The following PPP1R13B variants were observed in gnomAD, a reference collection of about 807,000 sequenced individuals.
The protein encoded by PPP1R13B is apoptosis-stimulating of p53 protein 1.
Under a neutral mutation model 119.8 loss-of-function variants are expected in PPP1R13B, and 44 were observed. The observed-to-expected ratio is 0.37, with a 90% CI of 0.29 to 0.47. PPP1R13B has a LOEUF of 0.47. PPP1R13B is among the 20% of genes least tolerant of loss of function. The pLI, the probability that PPP1R13B is intolerant of heterozygous loss-of-function variation, is 0.99. For missense variants in PPP1R13B, 1,227 were observed against 1,413.5 expected (o/e 0.87, Z 2.12); for synonymous variants, 542 against 561.5 (o/e 0.97, Z 0.49).
intron 1 of PPP1R13B, among the ~76,000 whole-genome samples, chr14:103,800,579 C>CG (rs955869467): frequency 2.7e-4 from 41 of 151,102 alleles, no homozygotes; most frequent in African/African-American, 7.5e-4. Flanking sequence ...ACTTGAACCC[C>CG]GGGGGGCAGA....
intron 1 of PPP1R13B, among the ~76,000 whole-genome samples, chr14:103,829,105 CAGAG>C (rs1222015947): frequency 3.3e-5 from 5 of 152,134 alleles, no homozygotes; most frequent in African/African-American, 1.2e-4. Flanking sequence ...TAAAGTGTTT[CAGAG>C]AGAAAGAGTG....
chr14:103,790,032 G>T (rs1008734286), intron 2 of PPP1R13B, among the ~76,000 whole-genome samples: 2 of 151,906 alleles, frequency 1.3e-5, no homozygotes, highest in Admixed American at 1.3e-4. Context: ...TATCACTTGA[G>T]GTCAAGAGTT....
At chr14:103,750,214 G>A (rs1424568671) in intron 7 of PPP1R13B, among the ~76,000 whole-genome samples, 2 of 152,124 alleles carry the variant, frequency 1.3e-5, no homozygotes, top group Non-Finnish European at 2.9e-5. Context: ...CGGTGTTTGG[G>A]ACTCTCAGAA....
chr14:103,765,754 C>A (rs1954573372), intron 4 of PPP1R13B, among the ~76,000 whole-genome samples: 1 of 152,138 alleles, frequency 6.6e-6, no homozygotes, highest in Non-Finnish European at 1.5e-5. Flanking sequence ...TCCTGAAGTT[C>A]TTCCTGATTC....
intron 1 of PPP1R13B, among the ~76,000 whole-genome samples, chr14:103,820,327 G>C (rs892963164): frequency 7.2e-5 from 11 of 152,138 alleles, no homozygotes; most frequent in African/African-American, 2.7e-4. Flanking sequence ...CAAATTCGCA[G>C]ATCACCTTTC....
intron 2 of PPP1R13B, among the ~76,000 whole-genome samples, chr14:103,785,160 G>C (rs1271877106): frequency 6.6e-6 from 1 of 152,138 alleles, no homozygotes. Context: ...CATTAAATAG[G>C]GAACACTGAA....
Position 103,742,287 on chromosome 14 carries a change from A to G in PPP1R13B, c.1325T>C (p.Ile442Thr). 6.4e-7 allele frequency: 1 copy of G among 1,554,780 alleles called. No homozygotes were observed. The highest frequency in any genetic ancestry group is 1.4e-5 in the African/African-American group (1 of 73,622). The change falls in exon 11 of 17, where the codon ATC becomes ACC. Residue 442 changes from isoleucine (I) to threonine (T), a missense_variant. Physicochemically the swap from Ile to Thr is moderately conservative, Grantham distance 89. Coordinates refer to ENST00000202556, the MANE Select transcript of PPP1R13B (RefSeq NM_015316.3). The surrounding 1 kb of genome is among the most constrained non-coding windows in gnomAD (Gnocchi z 4.9). ...GGGAGGTGGCACTTTACCAATCTCG[A>G]TGCCCTAAGTTTAGGTGTTAAGAAG... ...SALGPTEKPG[I>T]EIGKVPPPIP...
chr14:103,831,100 C>T (rs371943892), intron 1 of PPP1R13B, among the ~76,000 whole-genome samples: 6 of 151,830 alleles, frequency 4.0e-5, no homozygotes, highest in South Asian at 4.2e-4. Flanking sequence ...TGTGCCACCA[C>T]GCCCAGCTGA....
intron 2 of PPP1R13B, among the ~76,000 whole-genome samples, chr14:103,787,499 C>G (rs1019566844): frequency 5.3e-5 from 8 of 149,918 alleles, no homozygotes; most frequent in Non-Finnish European, 8.9e-5. Context: ...TATCAAGAAG[C>G]ACTGAAAAGC....
intron 1 of PPP1R13B, among the ~76,000 whole-genome samples, chr14:103,833,369 C>T (rs1040983472): frequency 2.6e-5 from 4 of 152,084 alleles, no homozygotes; most frequent in Non-Finnish European, 5.9e-5. Context: ...CCTGGCCAGG[C>T]GTGGTGGCTC....
At chr14:103,831,725 C>G (rs2152077497) in intron 1 of PPP1R13B, among the ~76,000 whole-genome samples, 1 of 151,954 alleles carries the variant, frequency 6.6e-6, no homozygotes, top group East Asian at 2.0e-4. Context: ...CACTTGAGGA[C>G]AGGAGTTCAA....
chr14:103,836,451 A>C (rs968943119), intron 1 of PPP1R13B, among the ~76,000 whole-genome samples: 5 of 152,142 alleles, frequency 3.3e-5, no homozygotes, highest in African/African-American at 1.2e-4. Flanking sequence ...CAAATAGGAA[A>C]ATAAGGCACA....
intron 1 of PPP1R13B, among the ~76,000 whole-genome samples, chr14:103,843,840 C>T (rs975864693): frequency 5.3e-5 from 8 of 151,808 alleles, no homozygotes; most frequent in Non-Finnish European, 1.2e-4. Flanking sequence ...GTAGTCTGAG[C>T]TACTTGGTAG....
chr14:103,783,100 C>T (rs1311341070), intron 3 of PPP1R13B, among the ~76,000 whole-genome samples: 2 of 152,008 alleles, frequency 1.3e-5, no homozygotes, highest in Non-Finnish European at 2.9e-5. Flanking sequence ...ACCAGCACGC[C>T]TAGCCAAGTT....
intron 1 of PPP1R13B, among the ~76,000 whole-genome samples, chr14:103,825,025 C>CGTGA (rs1306449884): frequency 6.6e-6 from 1 of 152,204 alleles, no homozygotes; most frequent in African/African-American, 2.4e-5. Context: ...ACAGCATGTG[C>CGTGA]TCACCCATGT....
chr14:103,791,398 G>A (rs551589506), intron 2 of PPP1R13B, among the ~76,000 whole-genome samples: 7 of 152,256 alleles, frequency 4.6e-5, no homozygotes, highest in Admixed American at 1.3e-4. Flanking sequence ...CTAAGTATCT[G>A]TAGAGCAAAA....
chr14:103,829,221 T>G (rs1166200695), intron 1 of PPP1R13B, among the ~76,000 whole-genome samples: 1 of 152,192 alleles, frequency 6.6e-6, no homozygotes, highest in African/African-American at 2.4e-5. Flanking sequence ...ATCACACTAC[T>G]GCTGTGCTTG....
chr14:103,755,091 T>TTTC (rs57449096), intron 5 of PPP1R13B, among the ~76,000 whole-genome samples: 67,619 of 151,698 alleles, frequency 0.45, 15,544 homozygotes, highest in African/African-American at 0.56. Context: ...GAGAGAGGGT[T>TTTC]TTATTACACT....
chr14:103,830,943 A>C (rs1246595796), intron 1 of PPP1R13B, among the ~76,000 whole-genome samples: 1 of 142,376 alleles, frequency 7.0e-6, no homozygotes, highest in Non-Finnish European at 1.5e-5. Context: ...TACTCAAGTA[A>C]TTTTTTTTTT....
Sources: gnomAD v4.1 joint callset for allele counts (sites outside exome capture counted in the v4.1 genomes callset) on GRCh38, gnomAD v4.1.1 for gene constraint, Gnocchi (gnomAD v3.1) non-coding constraint, MANE v1.5 for transcripts, NCBI Gene and HGNC (gene_info 2026-07-23, HGNC 2026-07-21) for gene names.